ATP13A5: variants seen among roughly 807,000 people sequenced by gnomAD.
The protein encoded by ATP13A5 is probable cation-transporting ATPase 13A5.
In ATP13A5, 149 loss-of-function variants were observed where a neutral mutation model predicts 150.2. That is an observed-to-expected ratio of 0.99 (90% CI 0.87 to 1.14). ATP13A5 has a LOEUF of 1.14. Among genes scored for constraint, ATP13A5 ranks in the 50% most tolerant of loss-of-function variants. The probability of loss-of-function intolerance (pLI) is 0.00; values close to 1 mark genes in which losing one functional copy is unlikely to be tolerated. For missense variants in ATP13A5, 1,383 were observed against 1,449.3 expected (o/e 0.95, Z 0.74); for synonymous variants, 497 against 522.2 (o/e 0.95, Z 0.66).
chr3:193,344,813 T>C (rs1430675003), intron 8 of ATP13A5, among the ~76,000 whole-genome samples, 190 bp downstream of exon 8: 3 of 152,144 alleles, frequency 2.0e-5, no homozygotes, highest in African/African-American at 7.2e-5. Context: ...CCTGCAGCTG[T>C]GGGGTCAGCA....
chr3:193,360,706 TCA>T, intron 5 of ATP13A5, among the ~76,000 whole-genome samples: 1 of 151,868 alleles, frequency 6.6e-6, no homozygotes, highest in Non-Finnish European at 1.5e-5. Flanking sequence ...TGACGGAGTC[TCA>T]CTCTGTTGCC....
Position 193,343,954 on chromosome 3 carries a change from A to G in ATP13A5, c.916T>C (p.Cys306Arg). ...PCDAVLIDGS[C>R]VVNEGMLTGE... ...GTAAGCATGCCTTCATTCACCACGCAGCTTCCATCAATCAAAACAGCATCA... is the reference window on the plus strand; with the variant it reads ...GTAAGCATGCCTTCATTCACCACGCGGCTTCCATCAATCAAAACAGCATCA... The change falls in exon 9 of 30, where the codon TGC (cysteine) becomes CGC (arginine). Residue 306 changes from cysteine to arginine, a missense_variant. Coordinates refer to ENST00000342358, the MANE Select transcript of ATP13A5 (RefSeq NM_198505.4). 1 of 1,613,366 alleles carries G rather than the reference A, an allele frequency of 6.2e-7. No homozygotes were observed. Among genetic ancestry groups the G allele is most frequent in the Non-Finnish European group, 8.5e-7 (1 of 1,179,550 alleles).
chr3:193,348,759 G>GA (rs1329224947), intron 7 of ATP13A5, among the ~76,000 whole-genome samples: 3 of 152,156 alleles, frequency 2.0e-5, no homozygotes, highest in Non-Finnish European at 4.4e-5. Context: ...GAATGATTTG[G>GA]AGATAGCAGT....
At chr3:193,280,652 A>G (rs1471011027) in intron 27 of ATP13A5, among the ~76,000 whole-genome samples, 6 of 152,136 alleles carry the variant, frequency 3.9e-5, no homozygotes, top group Non-Finnish European at 5.9e-5. Context: ...CTCTGTTCTT[A>G]TTTCCAACCT....
chr3:193,311,976 C>T, intron 19 of ATP13A5, 35 bp from the exon 20 acceptor site: 1 of 1,606,382 alleles, frequency 6.2e-7, no homozygotes, highest in South Asian at 1.1e-5. Flanking sequence ...TACATTGACT[C>T]CTAAGGAGTG....
intron 23 of ATP13A5, among the ~76,000 whole-genome samples, chr3:193,303,686 C>A (rs184693987): frequency 6.6e-6 from 1 of 151,858 alleles, no homozygotes; most frequent in East Asian, 1.9e-4. Flanking sequence ...GCACGTGATG[C>A]GAGAGTGGGA....
intron 7 of ATP13A5, among the ~76,000 whole-genome samples, chr3:193,349,993 G>A (rs1042031116): frequency 1.3e-5 from 2 of 151,664 alleles, no homozygotes; most frequent in Non-Finnish European, 2.9e-5. Flanking sequence ...AAAGATTGAG[G>A]GGAAATTACT....
intron 1 of ATP13A5, among the ~76,000 whole-genome samples, chr3:193,365,615 C>T (rs1424003450): frequency 6.6e-6 from 1 of 151,992 alleles, no homozygotes; most frequent in Non-Finnish European, 1.5e-5. Context: ...CATAAATATA[C>T]ATTCTTTTAC....
intron 15 of ATP13A5, 89 bp from the exon 16 acceptor site, chr3:193,321,926 A>C: frequency 1.4e-6 from 2 of 1,401,188 alleles, no homozygotes; most frequent in Admixed American, 4.1e-5. Flanking sequence ...CTGTGCAATG[A>C]GCCCAGAGAC....
chr3:193,344,575 C>T (rs1712257426), intron 8 of ATP13A5, among the ~76,000 whole-genome samples: 1 of 152,240 alleles, frequency 6.6e-6, no homozygotes, highest in East Asian at 1.9e-4. Context: ...TTCCAGATGG[C>T]AGTTCAAATT....
chr3:193,317,331 A>G (rs1719087461), intron 17 of ATP13A5, among the ~76,000 whole-genome samples: 1 of 152,212 alleles, frequency 6.6e-6, no homozygotes. Context: ...TTTAAGAACC[A>G]CTAGTGGGAT....
intron 5 of ATP13A5, among the ~76,000 whole-genome samples, chr3:193,356,137 T>TC (rs1712778129): frequency 6.6e-6 from 1 of 152,212 alleles, no homozygotes; most frequent in South Asian, 2.1e-4. Context: ...TACTGGGCTT[T>TC]CCCTAACAAT....
chr3:193,364,549 G>A (rs748341537), intron 1 of ATP13A5, among the ~76,000 whole-genome samples: 39 of 152,104 alleles, frequency 2.6e-4, no homozygotes, highest in Non-Finnish European at 5.0e-4. Flanking sequence ...ATATTCATAA[G>A]AGTCACCTCA....
chr3:193,356,578 T>TAA, intron 5 of ATP13A5, among the ~76,000 whole-genome samples: 1 of 149,148 alleles, frequency 6.7e-6, no homozygotes, highest in East Asian at 2.0e-4. Flanking sequence ...GACTCTAATT[T>TAA]AAAAAAAAAA....
intron 18 of ATP13A5, 31 bp downstream of exon 18, chr3:193,314,941 A>T: frequency 1.2e-6 from 2 of 1,607,710 alleles, no homozygotes; most frequent in Non-Finnish European, 1.7e-6. Context: ...GATACAATCA[A>T]CTTGCCAGGC....
Position 193,331,154 on chromosome 3 carries a change from C to G in ATP13A5, c.1430G>C (p.Cys477Ser). The G allele has an allele frequency of 6.2e-7, 1 of 1,614,042 alleles. No homozygotes were observed. Among genetic ancestry groups the G allele is most frequent in the Non-Finnish European group, 8.5e-7 (1 of 1,179,946 alleles). Residue 477 changes from cysteine (C) to serine (S), a missense_variant, in exon 12 of 30, where the codon TGT (cysteine) becomes TCT (serine). Cys to Ser is a moderately radical substitution (Grantham distance 112). Around this residue, in one of 3 missense-constraint regions of ATP13A5, gnomAD observed 787 missense variants for 771.9 expected, o/e 1.02. Coordinates refer to ENST00000342358, the MANE Select transcript of ATP13A5 (RefSeq NM_198505.4). ...AAAGCACACGAGGTTTATTTGCCCACACATGTTGATTCTCTGTGGGGAGAT... is the reference window on the plus strand; with the variant it reads ...AAAGCACACGAGGTTTATTTGCCCAGACATGTTGATTCTCTGTGGGGAGAT... ...FCISPQRINM[C>S]GQINLVCFDK...
intron 5 of ATP13A5, among the ~76,000 whole-genome samples, chr3:193,359,363 C>T (rs937299535): frequency 6.6e-6 from 1 of 152,160 alleles, no homozygotes; most frequent in Non-Finnish European, 1.5e-5. Context: ...AGTAGGGTCT[C>T]ACAGCAGCCT....
intron 21 of ATP13A5, among the ~76,000 whole-genome samples, chr3:193,309,236 A>G (rs1044886832): frequency 1.9e-4 from 29 of 152,214 alleles, no homozygotes; most frequent in Admixed American, 6.5e-5. Context: ...TGCTGGGGCC[A>G]GATAAAGGCA....
chr3:193,366,135 T>C (rs1713231204), intron 1 of ATP13A5, among the ~76,000 whole-genome samples: 1 of 152,052 alleles, frequency 6.6e-6, no homozygotes, highest in Non-Finnish European at 1.5e-5. Context: ...GAATGGAGCA[T>C]ACTGTGATGT....
Sources: gnomAD v4.1 joint callset for allele counts (sites outside exome capture counted in the v4.1 genomes callset) on GRCh38, gnomAD v4.1.1 for gene constraint, gnomAD v4.1.1 regional missense constraint, MANE v1.5 for transcripts, NCBI Gene and HGNC (gene_info 2026-07-23, HGNC 2026-07-21) for gene names.